The following TRIP4 variants were observed in gnomAD, a reference collection of about 807,000 sequenced individuals.
The protein encoded by TRIP4 is thyroid hormone receptor interactor 4.
Under a neutral mutation model 81.8 loss-of-function variants are expected in TRIP4, and 54 were observed. That is an observed-to-expected ratio of 0.66 (90% CI 0.53 to 0.83). The LOEUF (loss-of-function observed/expected upper bound fraction) is 0.83. Among genes scored for constraint, TRIP4 ranks in the 40% least tolerant of loss-of-function variants. The pLI, the probability that TRIP4 is intolerant of heterozygous loss-of-function variation, is 0.00. For missense variants in TRIP4, 662 were observed against 683.6 expected (o/e 0.97, Z 0.35); for synonymous variants, 270 against 242.8 (o/e 1.11, Z -1.04).
intron 11 of TRIP4, among the ~76,000 whole-genome samples, chr15:64,431,234 A>G (rs887608408): frequency 2.0e-5 from 3 of 152,152 alleles, no homozygotes; most frequent in Admixed American, 6.5e-5. Flanking sequence ...CTGCCAATAT[A>G]TAGACCTCAA....
At chr15:64,452,949 G>A (rs1367170329) in intron 12 of TRIP4, among the ~76,000 whole-genome samples, 2 of 152,124 alleles carry the variant, frequency 1.3e-5, no homozygotes, top group Non-Finnish European at 2.9e-5. Context: ...GGGAGGCTGA[G>A]GTGGGGTGGG....
chr15:64,399,030 A>C (rs1248314951), intron 4 of TRIP4, among the ~76,000 whole-genome samples: 4 of 140,620 alleles, frequency 2.8e-5, no homozygotes, highest in Admixed American at 1.5e-4. Context: ...GCTCACTGCA[A>C]CCTCTGCCTC....
Position 64,393,738 on chromosome 15 carries a change from GTT to G in TRIP4, c.102-202_102-201del, listed in dbSNP as rs968924938. ...AGTAATCGTTTTGGTGTATAACGTT[GTT>G]TTTTTCCTACACATAAGTGTATGTA... On this transcript the variant is annotated intron_variant, in intron 1 of 12. Transcript: ENST00000261884. 70 of 366,512 alleles carry G rather than the reference GTT, an allele frequency of 1.9e-4. No individual in the cohort carries two copies. In the Middle Eastern group the frequency reaches 4.3e-3, roughly 23 times the overall value. The allele number at this position is 366,512 out of a possible 1,614,324, so 22.7% of individuals were successfully genotyped here. A position where few individuals can be genotyped will look rare whatever the true frequency, so the allele number is the denominator to read the frequency against.
chr15:64,389,912 G>A (rs937071411), intron 1 of TRIP4, among the ~76,000 whole-genome samples: 1 of 150,258 alleles, frequency 6.7e-6, no homozygotes, highest in Non-Finnish European at 1.5e-5. Context: ...ATGTTGACCA[G>A]GGTGGTCTCG....
At chr15:64,433,027 G>A (rs1892312621) in intron 11 of TRIP4, among the ~76,000 whole-genome samples, 1 of 152,078 alleles carries the variant, frequency 6.6e-6, no homozygotes, top group South Asian at 2.1e-4. Context: ...TGTAGATTCT[G>A]TCCTCAGATG....
At chr15:64,394,429 C>A (rs140023345) in intron 2 of TRIP4, among the ~76,000 whole-genome samples, 2,531 of 151,794 alleles carry the variant, frequency 0.017, 64 homozygotes, top group African/African-American at 0.058. Flanking sequence ...CACGGTGAAA[C>A]CCCATCTCTA....
intron 1 of TRIP4, 147 bp downstream of exon 1, chr15:64,388,111 T>G: frequency 1.5e-6 from 2 of 1,300,528 alleles, no homozygotes; most frequent in Non-Finnish European, 2.0e-6. Context: ...AATTTTGGCC[T>G]CCACCTTTGT....
intron 12 of TRIP4, among the ~76,000 whole-genome samples, chr15:64,446,310 G>T (rs1439411692): frequency 6.6e-6 from 1 of 151,700 alleles, no homozygotes; most frequent in Non-Finnish European, 1.5e-5. Context: ...ATTTATTATT[G>T]AACATCTATT....
Position 64,418,675 on chromosome 15 carries a change from G to T in TRIP4, c.1305G>T (p.Trp435Cys). The change falls in exon 9 of 13, where the codon TGG (tryptophan) becomes TGT (cysteine). Residue 435 changes from tryptophan to cysteine, a missense_variant. Trp to Cys is a radical substitution (Grantham distance 215). Transcript: ENST00000261884. ...TTCAGGAAGGCTTTGATGGTGGCTG[G>T]TGCCTCTCTGTACATCAGCCCTGGG... ...QEFQEGFDGG[W>C]CLSVHQPWAS... The T allele has an allele frequency of 1.2e-6, 2 of 1,614,038 alleles. No homozygotes were observed. Among genetic ancestry groups the T allele is most frequent in the Non-Finnish European group, 1.7e-6 (2 of 1,180,018 alleles).
chr15:64,393,597 C>T (rs78905026), intron 1 of TRIP4: 2,000 of 158,618 alleles, frequency 0.013, 33 homozygotes, highest in African/African-American at 0.046. Flanking sequence ...CAGAAATAAG[C>T]ACTGTTTCTT....
intron 11 of TRIP4, among the ~76,000 whole-genome samples, chr15:64,442,948 G>A (rs900833642): frequency 3.3e-5 from 5 of 149,490 alleles, no homozygotes; most frequent in Non-Finnish European, 7.4e-5. Context: ...CCGAGATCAC[G>A]CCATTGCACT....
rs770836907 is a variant in TRIP4 at position 64,418,660 on chromosome 15, C to A, written c.1290C>A (p.Gly430=). The change falls in exon 9 of 13, where the codon GGC becomes GGA. Residue 430 remains glycine, a synonymous_variant. Transcript: ENST00000261884. ...TCCAGGATCAAGAATTTCAGGAAGG[C>A]TTTGATGGTGGCTGGTGCCTCTCTG... ...LRIQDQEFQE[G]FDGGWCLSVH... 9 of 1,614,050 alleles carry A rather than the reference C, an allele frequency of 5.6e-6. No homozygotes were observed. The South Asian group carries it at 6.6e-5, about 12-fold the overall frequency.
Position 64,400,828 on chromosome 15 carries a change from A to T in TRIP4, c.697+7A>T. The stretch of plus-strand genomic sequence containing the variant: ...CTAAAGAAACTCATGTCAGGTAGAC[A>T]GCAGTCTTGTAATTGGATCACTGGG... On this transcript the variant is annotated splice_region_variant and intron_variant, in intron 5 of 12. Transcript: ENST00000261884. 1 of 1,612,190 alleles carries T rather than the reference A, an allele frequency of 6.2e-7. No individual in the cohort carries two copies. Among genetic ancestry groups the T allele is most frequent in the Non-Finnish European group, 8.5e-7 (1 of 1,178,400 alleles).
intron 9 of TRIP4, among the ~76,000 whole-genome samples, chr15:64,420,884 A>G (rs541851229): frequency 5.3e-5 from 8 of 152,146 alleles, no homozygotes; most frequent in African/African-American, 1.9e-4. Context: ...GTCCCAACTC[A>G]TAACAGTAAA....
At chr15:64,414,286 C>G in intron 8 of TRIP4, 75 bp downstream of exon 8, 1 of 1,571,716 alleles carries the variant, frequency 6.4e-7, no homozygotes. Context: ...ATGTCTATTT[C>G]ATAGACTTCA....
At chr15:64,415,502 C>G (rs112012730) in intron 8 of TRIP4, among the ~76,000 whole-genome samples, 25 of 152,258 alleles carry the variant, frequency 1.6e-4, no homozygotes, top group Non-Finnish European at 2.9e-4. Flanking sequence ...CAGGAGAATG[C>G]TTACTTACCT....
chr15:64,408,742 T>C (rs1239687291), intron 6 of TRIP4, among the ~76,000 whole-genome samples: 1 of 152,188 alleles, frequency 6.6e-6, no homozygotes, highest in Non-Finnish European at 1.5e-5. Flanking sequence ...GTTTATAATA[T>C]GTAGAATTAG....
intron 6 of TRIP4, among the ~76,000 whole-genome samples, 165 bp from the exon 7 acceptor site, chr15:64,409,448 G>A (rs1411781527): frequency 6.6e-6 from 1 of 152,174 alleles, no homozygotes; most frequent in Non-Finnish European, 1.5e-5. Flanking sequence ...CTGAGGTTGA[G>A]ATAAGTTCTA....
intron 12 of TRIP4, among the ~76,000 whole-genome samples, chr15:64,445,667 C>CAAAAAAAAAAAAAAAAAAAAAAAAAAA (rs34704960): frequency 1.3e-5 from 1 of 77,986 alleles, no homozygotes. Flanking sequence ...CACTCAGTCT[C>CAAAAAAAAAAAAAAAAAAAAAAAAAAA]AAAAAAAAAA....
Sources: allele counts gnomAD v4.1 joint callset (sites outside exome capture counted in the v4.1 genomes callset), GRCh38; gene constraint gnomAD v4.1.1; transcripts MANE v1.5; gene names NCBI Gene and HGNC (gene_info 2026-07-23, HGNC 2026-07-21).